Variants in PBX1 observed in about 807,000 individuals in gnomAD.
PBX1 encodes the protein pre-B-cell leukemia transcription factor 1.
Under a neutral mutation model 53.4 loss-of-function variants are expected in PBX1, and 6 were observed. The observed-to-expected ratio is 0.11, with a 90% CI of 0.06 to 0.22. PBX1 has a LOEUF of 0.22. PBX1 is among the 10% of genes least tolerant of loss of function. PBX1 has a pLI of 1.00. For missense variants in PBX1, 251 were observed against 551.4 expected (o/e 0.46, Z 5.46); for synonymous variants, 204 against 212.3 (o/e 0.96, Z 0.34).
At chr1:164,880,051 C>A (rs1672609636) in intron 2 of PBX1, among the ~76,000 whole-genome samples, 1 of 152,136 alleles carries the variant, frequency 6.6e-6, no homozygotes, top group Non-Finnish European at 1.5e-5. Context: ...GTTTTCCCTT[C>A]TGTCAAGGAT....
chr1:164,866,593 T>C (rs1394281263), intron 2 of PBX1, among the ~76,000 whole-genome samples: 1 of 152,182 alleles, frequency 6.6e-6, no homozygotes, highest in Non-Finnish European at 1.5e-5. Flanking sequence ...ATAGAGACCT[T>C]CCTATTCTAA....
intron 2 of PBX1, among the ~76,000 whole-genome samples, chr1:164,857,802 G>A (rs970079483): frequency 2.0e-5 from 3 of 152,126 alleles, no homozygotes; most frequent in Non-Finnish European, 4.4e-5. Context: ...ATCTTTCTGT[G>A]CCTCAGTTTC....
At chr1:164,565,767 C>T (rs959438707) in intron 2 of PBX1, among the ~76,000 whole-genome samples, 1 of 150,762 alleles carries the variant, frequency 6.6e-6, no homozygotes, top group Non-Finnish European at 1.5e-5. Flanking sequence ...TTTTTTTCCC[C>T]CTCTTCTTCT....
intron 2 of PBX1, among the ~76,000 whole-genome samples, chr1:164,690,646 C>A (rs576707629): frequency 1.4e-5 from 2 of 143,922 alleles, no homozygotes; most frequent in African/African-American, 2.6e-5. Flanking sequence ...AAAAAAAAAT[C>A]TTTTTTCTGT....
intron 2 of PBX1, among the ~76,000 whole-genome samples, chr1:164,789,597 T>G (rs757985027): frequency 2.0e-5 from 3 of 152,232 alleles, no homozygotes; most frequent in Middle Eastern, 3.2e-3. Flanking sequence ...TAGGCAGTGC[T>G]TAACACTAGC....
At chr1:164,618,911 TG>T (rs1657485286) in intron 2 of PBX1, among the ~76,000 whole-genome samples, 1 of 152,204 alleles carries the variant, frequency 6.6e-6, no homozygotes, top group Non-Finnish European at 1.5e-5. Context: ...TTATGAATAT[TG>T]AAGTATAATG....
At chr1:164,618,300 G>GGT (rs1553217611) in intron 2 of PBX1, among the ~76,000 whole-genome samples, 2 of 43,706 alleles carry the variant, frequency 4.6e-5, no homozygotes, top group Non-Finnish European at 1.2e-4. Context: ...ATCACGGCGG[G>GGT]GGGGGGGGGG....
chr1:164,767,372 A>G (rs1571364831), intron 2 of PBX1, among the ~76,000 whole-genome samples: 1 of 152,316 alleles, frequency 6.6e-6, no homozygotes, highest in South Asian at 2.1e-4. Context: ...TCACAAAGCC[A>G]GTGCTTTGGT....
intron 2 of PBX1, among the ~76,000 whole-genome samples, chr1:164,707,438 A>T (rs1162355056): frequency 8.6e-5 from 13 of 151,218 alleles, no homozygotes; most frequent in East Asian, 7.8e-4. Context: ...AGAGAGAGAG[A>T]GAGAGAGAGA....
intron 2 of PBX1, among the ~76,000 whole-genome samples, chr1:164,736,742 G>A (rs944301896): frequency 6.6e-6 from 1 of 152,164 alleles, no homozygotes; most frequent in Non-Finnish European, 1.5e-5. Context: ...AAACAGGATG[G>A]AAAGAAAGGG....
chr1:164,654,419 T>C (rs1307290617), intron 2 of PBX1, among the ~76,000 whole-genome samples: 1 of 152,222 alleles, frequency 6.6e-6, no homozygotes, highest in Non-Finnish European at 1.5e-5. Context: ...TTAAACTTAC[T>C]ATGTCGTGTG....
chr1:164,719,801 A>G (rs1664305106), intron 2 of PBX1, among the ~76,000 whole-genome samples: 2 of 152,138 alleles, frequency 1.3e-5, no homozygotes, highest in South Asian at 4.1e-4. Flanking sequence ...GTGTGTATAC[A>G]TGCATTCATT....
At chr1:164,872,560 TA>T (rs1385790572) in intron 2 of PBX1, among the ~76,000 whole-genome samples, 1 of 152,236 alleles carries the variant, frequency 6.6e-6, no homozygotes, top group African/African-American at 2.4e-5. Context: ...ACACCCCTAC[TA>T]AAGTGTGGTA....
At position 164,873,503 on chromosome 1, in the gene PBX1, T is replaced by G. The variant is rs555624436; in HGVS notation, n.258-25685T>G. On this transcript the variant is annotated intron_variant and non_coding_transcript_variant, in intron 2 of 2. Coordinates refer to the PBX1 transcript ENST00000558796. ...CTCTGGAAGTCCCAGCTTATCTTAC[T>G]ACATGCTCTGAAGCCCTTGTTTAAA... Among the ~76,000 whole-genome samples the G allele has an allele frequency of 2.9e-4, 44 of 152,358 alleles. No homozygotes were observed. The South Asian group carries it at 8.9e-3, about 31-fold the overall frequency.
intron 2 of PBX1, among the ~76,000 whole-genome samples, chr1:164,767,324 T>C (rs1427968655): frequency 1.3e-5 from 2 of 152,192 alleles, no homozygotes; most frequent in East Asian, 1.9e-4. Context: ...GGGGTCCTTC[T>C]GCATGAGGGG....
Position 164,782,911 on chromosome 1 carries a change from A to G in PBX1, c.266-9583A>G, listed in dbSNP as rs1668001543. Among the ~76,000 whole-genome samples the G allele has an allele frequency of 2.6e-5, 4 of 152,240 alleles. No individual in the cohort carries two copies. In the South Asian group the frequency reaches 8.3e-4, roughly 32 times the overall value. On this transcript the variant is annotated intron_variant, in intron 2 of 8. Transcript: ENST00000420696. ...TCCCACCCAGAATCAAAACTTAAAC[A>G]TGCTTCCTCAAACCTTTGAGTACAA...
At chr1:164,640,680 C>G (rs111281161) in intron 2 of PBX1, among the ~76,000 whole-genome samples, 1 of 151,726 alleles carries the variant, frequency 6.6e-6, no homozygotes, top group African/African-American at 2.4e-5. Context: ...CCTCAGCCTC[C>G]TGAGTAGCTG....
intron 2 of PBX1, among the ~76,000 whole-genome samples, chr1:164,732,245 T>G (rs1439289725): frequency 6.6e-6 from 1 of 152,140 alleles, no homozygotes; most frequent in African/African-American, 2.4e-5. Flanking sequence ...GTCTTATTTT[T>G]GAAGTAAGGA....
intron 2 of PBX1, among the ~76,000 whole-genome samples, chr1:164,863,659 C>G (rs1349411053): frequency 6.6e-6 from 1 of 152,174 alleles, no homozygotes; most frequent in East Asian, 1.9e-4. Context: ...AGGCTATAAA[C>G]TGACAAATTA....
Sources: gnomAD v4.1 joint callset for allele counts (sites outside exome capture counted in the v4.1 genomes callset) on GRCh38, gnomAD v4.1.1 for gene constraint, MANE v1.5 for transcripts, NCBI Gene and HGNC (gene_info 2026-07-23, HGNC 2026-07-21) for gene names.